Variants in COL27A1 observed in about 807,000 individuals in gnomAD.
The protein encoded by COL27A1 is collagen type XXVII alpha 1 chain.
COL27A1 carries 106 observed loss-of-function variants against 251.3 expected under a neutral mutation model. The ratio of observed to expected loss-of-function variants is 0.42; its 90% confidence interval spans 0.36 to 0.50. The LOEUF (loss-of-function observed/expected upper bound fraction) is 0.50, where lower values mean the gene tolerates loss of function less well. Among genes scored for constraint, COL27A1 ranks in the 20% least tolerant of loss-of-function variants. The pLI is 0.00. For missense variants in COL27A1, 2,325 were observed against 2,522.8 expected (o/e 0.92, Z 1.68); for synonymous variants, 1,000 against 986.3 (o/e 1.01, Z -0.26).
chr9:114,282,700 C>A (rs1033919075), intron 39 of COL27A1, 136 bp downstream of exon 39: 6 of 596,928 alleles, frequency 1.0e-5, no homozygotes, highest in African/African-American at 3.7e-5. Flanking sequence ...GCTCATTGCC[C>A]CAGCCACCTC....
chr9:114,155,856 A>T lies in COL27A1; in HGVS notation c.-95A>T. 1.0e-6 allele frequency: 1 copy of T among 987,496 alleles called. No homozygotes were observed. Among genetic ancestry groups the T allele is most frequent in the African/African-American group, 1.8e-5 (1 of 57,100 alleles). The allele number at this position is 987,496 out of a possible 1,614,324, so 61.2% of individuals were successfully genotyped here. A position where few individuals can be genotyped will look rare whatever the true frequency, so the allele number is the denominator to read the frequency against. ...GGGGGCGCGGGGGCCGCGCGCTCTA[A>T]GCCGGCCTGGCGCGGCGGGGCGGGG... On this transcript the variant is annotated 5_prime_UTR_variant, in exon 1 of 61. It adds an upstream start codon to the 5' untranslated region. Coordinates refer to ENST00000356083, the MANE Select transcript of COL27A1 (RefSeq NM_032888.4). This position sits in a 1 kb window ranked among gnomAD's most constrained non-coding sequence, Gnocchi z 5.5.
Position 114,231,849 on chromosome 9 carries a change from G to A in COL27A1, c.2548G>A (p.Gly850Arg), listed in dbSNP as rs1831981547. 7 of 1,614,098 alleles carry A rather than the reference G, an allele frequency of 4.3e-6. No homozygotes were observed. The highest frequency in any genetic ancestry group is 5.9e-6 in the Non-Finnish European group (7 of 1,179,972). ...ACTGATGGGCAGCGTGGGGGAGCCC[G>A]GACTGAAAGGTGATAAGGTGATCTG... ...KGLMGSVGEP[G>R]LKGDKGEQGV... The change falls in exon 16 of 61, where the codon GGA becomes AGA. Residue 850 changes from glycine to arginine, a missense_variant. Physicochemically the swap from Gly to Arg is moderately radical, Grantham distance 125. This residue lies in a region of COL27A1 where 1,183 missense variants were observed against 1,144.1 expected (regional missense o/e 1.03). Coordinates refer to ENST00000356083, the MANE Select transcript of COL27A1 (RefSeq NM_032888.4).
intron 56 of COL27A1, among the ~76,000 whole-genome samples, chr9:114,302,771 G>C (rs1469838176): frequency 6.6e-6 from 1 of 150,606 alleles, no homozygotes; most frequent in African/African-American, 2.4e-5. Context: ...GGGGCAGATT[G>C]GGGCCCCTGC....
intron 36 of COL27A1, 115 bp from the exon 37 acceptor site, chr9:114,275,546 T>C: frequency 1.5e-6 from 1 of 659,320 alleles, no homozygotes; most frequent in South Asian, 2.0e-5. Context: ...ATCGAGAATC[T>C]AGGGACCAGT....
At chr9:114,178,487 G>A (rs1827645091) in intron 4 of COL27A1, 143 bp downstream of exon 4, 2 of 761,190 alleles carry the variant, frequency 2.6e-6, no homozygotes, top group Non-Finnish European at 4.6e-6. Flanking sequence ...TATCCATTTG[G>A]AGTGGACTTA....
chr9:114,156,325 G>A (rs1453974968), intron 1 of COL27A1, among the ~76,000 whole-genome samples: 1 of 151,534 alleles, frequency 6.6e-6, no homozygotes, highest in Non-Finnish European at 1.5e-5. Flanking sequence ...GTGCGGAGGG[G>A]GGCTTTTTGG....
chr9:114,298,366 G>A (rs1828393421), intron 49 of COL27A1, among the ~76,000 whole-genome samples: 1 of 152,070 alleles, frequency 6.6e-6, no homozygotes, highest in Admixed American at 6.5e-5. Context: ...AAATTCATAT[G>A]GAAATGCAAG....
chr9:114,290,160 C>A lies in COL27A1; in HGVS notation c.4260+49C>A, dbSNP rs757073014. On this transcript the variant is annotated intron_variant, in intron 46 of 60. Transcript: ENST00000356083. The surrounding 1 kb of genome is among the most constrained non-coding windows in gnomAD (Gnocchi z 4.6). The stretch of plus-strand genomic sequence containing the variant: ...CCAGCCAACCTCCCTGCCCGCCCCC[C>A]ACACCCGCCCTCCTCCCACTCCCTG... 7.9e-5 allele frequency: 126 copies of A among 1,591,584 alleles called. No homozygotes were observed. The highest frequency in any genetic ancestry group is 9.2e-5 in the Non-Finnish European group (107 of 1,164,910).
intron 17 of COL27A1, among the ~76,000 whole-genome samples, chr9:114,236,622 C>T (rs1160432915): frequency 6.6e-6 from 1 of 152,188 alleles, no homozygotes; most frequent in Admixed American, 6.5e-5. Context: ...CTGACCCAGC[C>T]TTGGTATCTC....
At chr9:114,173,699 C>T (rs182612539) in intron 3 of COL27A1, among the ~76,000 whole-genome samples, 30 of 140,818 alleles carry the variant, frequency 2.1e-4, no homozygotes, top group South Asian at 7.0e-4. Context: ...CAGTGAGATG[C>T]GGGGGTCGGG....
chr9:114,203,563 A>T (rs111427703), intron 7 of COL27A1, among the ~76,000 whole-genome samples: 1 of 152,092 alleles, frequency 6.6e-6, no homozygotes, highest in South Asian at 2.1e-4. Flanking sequence ...GAAGAATCAC[A>T]CCCAACCTTG....
At chr9:114,289,508 G>T (rs972554833) in intron 45 of COL27A1, among the ~76,000 whole-genome samples, 1 of 152,156 alleles carries the variant, frequency 6.6e-6, no homozygotes, top group African/African-American at 2.4e-5. Flanking sequence ...CCATTTCACT[G>T]GGGCTCCAGG....
At position 114,301,705 on chromosome 9, in the gene COL27A1, G is replaced by T. The variant is rs2131665657; in HGVS notation, c.4833G>T (p.Arg1611=). The change falls in exon 55 of 61, where the codon CGG becomes CGT. Residue 1611 remains arginine (R), a synonymous_variant. Coordinates refer to ENST00000356083, the MANE Select transcript of COL27A1 (RefSeq NM_032888.4). ...AGGGTCCTCCCGGCCCCAGAGGGCG[G>T]CCCGGCCCCCCGGTAGGTAACTGAG... ...GPRGPPGPRG[R]PGPPGPPGGP... The T allele has an allele frequency of 1.9e-6, 3 of 1,612,000 alleles. No individual in the cohort carries two copies. Among genetic ancestry groups the T allele is most frequent in the South Asian group, 1.1e-5 (1 of 90,852 alleles).
intron 17 of COL27A1, among the ~76,000 whole-genome samples, chr9:114,236,181 C>T (rs984209049): frequency 6.6e-6 from 1 of 152,152 alleles, no homozygotes; most frequent in African/African-American, 2.4e-5. Context: ...CCTTTTTCCC[C>T]ACCTGCTCAG....
At chr9:114,216,994 C>T (rs1830753155) in intron 12 of COL27A1, among the ~76,000 whole-genome samples, 1 of 152,204 alleles carries the variant, frequency 6.6e-6, no homozygotes, top group Non-Finnish European at 1.5e-5. Flanking sequence ...CGAATCTCAT[C>T]TCTGCTATGC....
intron 15 of COL27A1, 101 bp from the exon 16 acceptor site, chr9:114,231,721 G>C: frequency 8.6e-7 from 1 of 1,164,778 alleles, no homozygotes; most frequent in South Asian, 1.3e-5. Flanking sequence ...GAGGTTGGGG[G>C]ATCTAGCACG....
chr9:114,210,469 G>T (rs1830270288), intron 11 of COL27A1, among the ~76,000 whole-genome samples: 1 of 152,194 alleles, frequency 6.6e-6, no homozygotes, highest in Admixed American at 6.5e-5. Flanking sequence ...TCTGGGGAAG[G>T]TGGTGGGACT....
intron 14 of COL27A1, among the ~76,000 whole-genome samples, chr9:114,230,486 G>A (rs774161167): frequency 2.6e-5 from 4 of 152,120 alleles, no homozygotes; most frequent in Non-Finnish European, 4.4e-5. Context: ...ACCTTGGACC[G>A]GCTGATCTGA....
chr9:114,251,039 G>C (rs2808800), intron 25 of COL27A1, among the ~76,000 whole-genome samples: 63,357 of 151,932 alleles, frequency 0.42, 13,893 homozygotes, highest in East Asian at 0.76. Flanking sequence ...TTTTAGATGA[G>C]ATAACAGAGG....
Sources: gnomAD v4.1 joint callset for allele counts (sites outside exome capture counted in the v4.1 genomes callset) on GRCh38, gnomAD v4.1.1 for gene constraint, gnomAD v4.1.1 regional missense constraint, Gnocchi (gnomAD v3.1) non-coding constraint, MANE v1.5 for transcripts, NCBI Gene and HGNC (gene_info 2026-07-23, HGNC 2026-07-21) for gene names.